The following GAB4 variants were observed in gnomAD, a reference collection of about 807,000 sequenced individuals.
The protein encoded by GAB4 is GRB2 associated binding protein family member 4, also known as GRB2-associated-binding protein 4.
A neutral mutation model predicts 51.3 loss-of-function variants in GAB4; 26 were observed. The ratio of observed to expected loss-of-function variants is 0.51; its 90% CI spans 0.37 to 0.70. The LOEUF is 0.70. GAB4 is among the 30% of genes least tolerant of loss of function. GAB4 has a pLI of 0.00. For synonymous variants in GAB4, 329 were observed against 291.2 expected, an observed-to-expected ratio of 1.13 and a Z score of -1.32; for missense variants, 759 against 734.6, an observed-to-expected ratio of 1.03 and a Z score of -0.38.
At chr22:16,968,437 C>A (rs2060701389) in intron 4 of GAB4, 54 bp from the exon 5 acceptor site, 2 of 1,225,210 alleles carry the variant, frequency 1.6e-6, no homozygotes, top group Middle Eastern at 1.9e-4. Context: ...TGTGTTGATG[C>A]CTCCCACGCC....
intron 3 of GAB4, among the ~76,000 whole-genome samples, chr22:16,982,745 T>C (rs1172631934): frequency 2.0e-5 from 3 of 152,196 alleles, no homozygotes. Context: ...ATTACCTGAC[T>C]TCTGTTGGGG....
chr22:16,980,935 C>T (rs1324926241), intron 3 of GAB4, among the ~76,000 whole-genome samples: 2 of 151,972 alleles, frequency 1.3e-5, no homozygotes, highest in Non-Finnish European at 2.9e-5. Context: ...CATGTTCTCA[C>T]TCATAAGTAG....
intron 1 of GAB4, among the ~76,000 whole-genome samples, chr22:17,003,450 C>T (rs1217486932): frequency 7.2e-5 from 11 of 152,080 alleles, no homozygotes; most frequent in Admixed American, 7.2e-4. Context: ...CACTCCTCAG[C>T]AAATGTAAAT....
In GAB4 at chr22:17,008,215, T is replaced by A; in HGVS notation, c.-101A>T. On this transcript the variant is annotated 5_prime_UTR_variant, in exon 1 of 10. Coordinates refer to ENST00000400588, the MANE Select transcript of GAB4 (RefSeq NM_001037814.1). ...CTTGCGATACCCTGGGACTGCGGGG[T>A]AGAAAGCGCAGTTCTAGGGGAGGTC... 1.2e-6 allele frequency: 1 copy of A among 837,782 alleles called. No individual in the cohort carries two copies. The highest frequency in any genetic ancestry group is 1.9e-6 in the Non-Finnish European group (1 of 534,210). The allele number at this position is 837,782 out of a possible 1,614,324, so 51.9% of individuals were successfully genotyped here. A position where few individuals can be genotyped will look rare whatever the true frequency, so the allele number is the denominator to read the frequency against.
chr22:16,999,040 GC>G (rs1287104309), intron 1 of GAB4, among the ~76,000 whole-genome samples: 1 of 152,166 alleles, frequency 6.6e-6, no homozygotes, highest in Non-Finnish European at 1.5e-5. Flanking sequence ...GGTTCGGTTT[GC>G]CACTATTTTA....
chr22:17,006,813 C>T (rs1210457624), intron 1 of GAB4, among the ~76,000 whole-genome samples: 1 of 152,060 alleles, frequency 6.6e-6, no homozygotes, highest in African/African-American at 2.4e-5. Flanking sequence ...ACAATGAGAA[C>T]ATATGGGCAC....
intron 1 of GAB4, among the ~76,000 whole-genome samples, chr22:16,997,465 T>A (rs1175716376): frequency 1.9e-4 from 29 of 152,238 alleles, no homozygotes; most frequent in Middle Eastern, 3.2e-3. Flanking sequence ...TCTGTTCATA[T>A]CCTTTGCCCA....
chr22:16,974,512 C>G (rs1256838496), intron 3 of GAB4, among the ~76,000 whole-genome samples: 1 of 152,164 alleles, frequency 6.6e-6, no homozygotes, highest in Non-Finnish European at 1.5e-5. Context: ...CACCTGCCCT[C>G]CTGTCCTAGG....
intron 7 of GAB4, 37 bp downstream of exon 7, chr22:16,965,141 C>G: frequency 6.6e-7 from 1 of 1,511,480 alleles, no homozygotes; most frequent in Non-Finnish European, 9.1e-7. Flanking sequence ...TCCACCGGCC[C>G]GGTCCCAAGC....
intron 3 of GAB4, among the ~76,000 whole-genome samples, chr22:16,971,572 T>C (rs1601254302): frequency 1.3e-5 from 2 of 152,242 alleles, no homozygotes; most frequent in African/African-American, 4.8e-5. Context: ...TGGATCCTTA[T>C]AGCAGGAGTT....
At chr22:16,981,671 G>A (rs369629746) in intron 3 of GAB4, among the ~76,000 whole-genome samples, 11 of 152,088 alleles carry the variant, frequency 7.2e-5, no homozygotes, top group African/African-American at 1.4e-4. Flanking sequence ...TGGCTTCCCC[G>A]CTGATTTCTA....
rs377466804 is a variant in GAB4, at chr22:16,969,973, T to G, written c.907A>C (p.Ser303Arg). The part of the protein sequence containing the change: ...SLASHGHTRG[S>R]LTGSEADNEA... ...TTATCCGCCTCAGAGCCTGTGAGGC[T>G]GCCTCTGGTGTGGCCATGGGAGGCC... Residue 303 changes from serine (S) to arginine (R), a missense_variant, in exon 4 of 10, where the codon AGC (serine) becomes CGC (arginine). Coordinates refer to ENST00000400588, the MANE Select transcript of GAB4 (RefSeq NM_001037814.1). 1.9e-6 allele frequency: 3 copies of G among 1,614,072 alleles called. No individual in the cohort carries two copies. In the African/African-American group the frequency reaches 4.0e-5, roughly 22 times the overall value.
intron 3 of GAB4, among the ~76,000 whole-genome samples, chr22:16,980,206 C>T (rs1213346813): frequency 6.6e-6 from 1 of 152,172 alleles, no homozygotes; most frequent in East Asian, 1.9e-4. Flanking sequence ...AAGAAACTAT[C>T]ATCAGAGTGA....
chr22:16,963,878 C>A, intron 8 of GAB4, 49 bp from the exon 9 acceptor site: 1 of 1,450,824 alleles, frequency 6.9e-7, no homozygotes, highest in Non-Finnish European at 9.6e-7. Flanking sequence ...GGACACAGAC[C>A]CAGCACCCAG....
At chr22:16,976,182 T>A (rs1395760795) in intron 3 of GAB4, among the ~76,000 whole-genome samples, 1 of 152,218 alleles carries the variant, frequency 6.6e-6, no homozygotes, top group African/African-American at 2.4e-5. Flanking sequence ...TTTGACCAAC[T>A]GACAGAAGTA....
At position 16,988,761 on chromosome 22, in the gene GAB4, G is replaced by A. The variant is rs572295041; in HGVS notation, c.479-594C>T. Among the ~76,000 whole-genome samples the A allele has an allele frequency of 7.0e-4, 107 of 152,230 alleles. 1 individual carries two copies. The highest frequency in any genetic ancestry group is 3.4e-3 in the Middle Eastern group (1 of 294). On this transcript the variant is annotated intron_variant, in intron 2 of 9. Transcript: ENST00000400588. ...GTCCACACTACTCAGCAGAACCTAC[G>A]AGGCCTTTCACAGTCTGACCTGTTT...
intron 1 of GAB4, among the ~76,000 whole-genome samples, chr22:17,007,053 C>T (rs1271769980): frequency 2.6e-5 from 4 of 152,030 alleles, no homozygotes; most frequent in South Asian, 2.1e-4. Context: ...CAGAATTGAT[C>T]ATACCCCATA....
intron 4 of GAB4, among the ~76,000 whole-genome samples, chr22:16,969,357 T>C (rs17806562): frequency 0.022 from 3,340 of 152,350 alleles, 51 homozygotes; most frequent in South Asian, 0.057. Flanking sequence ...CATAATGTGC[T>C]GTACTGTAAC....
intron 3 of GAB4, among the ~76,000 whole-genome samples, chr22:16,972,370 A>C (rs2060739513): frequency 6.6e-6 from 1 of 152,222 alleles, no homozygotes; most frequent in Non-Finnish European, 1.5e-5. Flanking sequence ...CAGGCCAGAC[A>C]AAAGTTGAGA....
Sources: gnomAD v4.1 joint callset for allele counts (sites outside exome capture counted in the v4.1 genomes callset) on GRCh38, gnomAD v4.1.1 for gene constraint, MANE v1.5 for transcripts, NCBI Gene and HGNC (gene_info 2026-07-23, HGNC 2026-07-21) for gene names.